Variants in INSC observed in about 807,000 individuals in gnomAD.
INSC encodes INSC spindle orientation adaptor protein.
In INSC, 67 loss-of-function variants were observed where a neutral mutation model predicts 58.6. The observed-to-expected ratio is 1.14, with a 90% CI of 0.94 to 1.40. The LOEUF is 1.40. Ranked by LOEUF, INSC falls within the 40% of genes most tolerant of loss-of-function variation. INSC has a pLI of 0.00. For missense variants in INSC, 714 were observed against 692.0 expected (o/e 1.03, Z -0.36); for synonymous variants, 262 against 276.1 (o/e 0.95, Z 0.51).
intron 2 of INSC, among the ~76,000 whole-genome samples, chr11:15,151,154 G>A (rs892803109): frequency 6.6e-5 from 10 of 152,130 alleles, no homozygotes; most frequent in South Asian, 2.1e-4. Flanking sequence ...GTGAGTGGCC[G>A]GCAAGAGCAA....
intron 2 of INSC, among the ~76,000 whole-genome samples, chr11:15,155,175 T>C (rs949378324): frequency 1.3e-5 from 2 of 152,238 alleles, no homozygotes; most frequent in African/African-American, 4.8e-5. Flanking sequence ...CCCCTCTGGC[T>C]ACACTTAGCA....
chr11:15,254,173 G>T, the INSC span, among the ~76,000 whole-genome samples: 33 of 152,144 alleles, frequency 2.2e-4, no homozygotes, highest in Admixed American at 3.9e-4. Context: ...GGCTTAGAGA[G>T]GTCAGGTAAT....
At chr11:15,219,168 T>C (rs530475583) in intron 7 of INSC, among the ~76,000 whole-genome samples, 1 of 152,142 alleles carries the variant, frequency 6.6e-6, no homozygotes, top group Non-Finnish European at 1.5e-5. Flanking sequence ...GTGGAATAGG[T>C]CTGGGTGGGA....
intron 1 of INSC, among the ~76,000 whole-genome samples, chr11:15,139,544 G>A (rs1029102938): frequency 6.6e-5 from 10 of 152,206 alleles, no homozygotes; most frequent in African/African-American, 1.7e-4. Context: ...ACTGCTAGGC[G>A]CTGTCCTCAC....
At chr11:15,118,777 G>A (rs1254821210) in intron 1 of INSC, among the ~76,000 whole-genome samples, 1 of 152,190 alleles carries the variant, frequency 6.6e-6, no homozygotes, top group African/African-American at 2.4e-5. Context: ...GCCAGTAAGA[G>A]CATTGTGTGA....
intron 5 of INSC, among the ~76,000 whole-genome samples, chr11:15,188,810 G>A (rs926113175): frequency 5.3e-5 from 8 of 152,190 alleles, no homozygotes; most frequent in Non-Finnish European, 7.3e-5. Context: ...AGGAACATTA[G>A]GTAATTATCA....
At chr11:15,197,173 A>G (rs1013456816) in intron 6 of INSC, among the ~76,000 whole-genome samples, 1 of 152,244 alleles carries the variant, frequency 6.6e-6, no homozygotes, top group African/African-American at 2.4e-5. Flanking sequence ...CACACATGAA[A>G]GCAGAGCTGG....
At chr11:15,193,760 A>C in intron 6 of INSC, among the ~76,000 whole-genome samples, 1 of 152,112 alleles carries the variant, frequency 6.6e-6, no homozygotes, top group Non-Finnish European at 1.5e-5. Context: ...ATACGTGTGT[A>C]TGTGTCTTTA....
chr11:15,159,743 C>G (rs1848948502), intron 2 of INSC, among the ~76,000 whole-genome samples: 1 of 152,134 alleles, frequency 6.6e-6, no homozygotes, highest in Admixed American at 6.5e-5. Flanking sequence ...CTTCAGTTTC[C>G]TCATCTGTAA....
At chr11:15,151,063 C>T (rs1848634002) in intron 2 of INSC, among the ~76,000 whole-genome samples, 1 of 152,172 alleles carries the variant, frequency 6.6e-6, no homozygotes, top group Non-Finnish European at 1.5e-5. Flanking sequence ...ACACAAGCTT[C>T]ACTTTCCCAG....
the INSC span, among the ~76,000 whole-genome samples, chr11:15,257,927 A>G: frequency 6.6e-6 from 1 of 152,118 alleles, no homozygotes; most frequent in African/African-American, 2.4e-5. Flanking sequence ...AGCTATGGCA[A>G]CCCCAGGAAA....
At chr11:15,116,882 TCCCTCCCTCCCTCC>T (rs1564853842) in intron 1 of INSC, among the ~76,000 whole-genome samples, 1 of 21,030 alleles carries the variant, frequency 4.8e-5, no homozygotes, top group African/African-American at 2.0e-4. Flanking sequence ...TCTCTCCCCC[TCCCTCCCTCCCTCC>T]CTCCCTCCCT....
chr11:15,139,793 G>A (rs1285385935), intron 1 of INSC, among the ~76,000 whole-genome samples: 1 of 152,234 alleles, frequency 6.6e-6, no homozygotes, highest in Non-Finnish European at 1.5e-5. Context: ...GGATGAAGGT[G>A]GCTAAAAGGG....
the INSC span, among the ~76,000 whole-genome samples, chr11:15,253,696 A>G: frequency 0.29 from 43,923 of 151,554 alleles, 7,411 homozygotes; most frequent in East Asian, 0.67. Flanking sequence ...AAATGAGGAA[A>G]GAAGGGGTGA....
chr11:15,175,605 A>T, intron 2 of INSC, 136 bp from the exon 3 acceptor site: 1 of 558,994 alleles, frequency 1.8e-6, no homozygotes, highest in Non-Finnish European at 2.9e-6. Flanking sequence ...ATGACTGAGA[A>T]TATCAAGGTG....
chr11:15,220,955 A>T (rs1469282754), intron 7 of INSC, among the ~76,000 whole-genome samples: 1 of 152,220 alleles, frequency 6.6e-6, no homozygotes. Context: ...GTTGCTAAAT[A>T]TGAGGAAGGG....
At chr11:15,203,621 T>C (rs77294062) in intron 7 of INSC, among the ~76,000 whole-genome samples, 1,984 of 152,350 alleles carry the variant, frequency 0.013, 51 homozygotes, top group African/African-American at 0.046. Context: ...ATACATTATG[T>C]AATTCATTCA....
intron 1 of INSC, among the ~76,000 whole-genome samples, chr11:15,118,359 A>G (rs1215864383): frequency 6.6e-6 from 1 of 152,220 alleles, no homozygotes; most frequent in Non-Finnish European, 1.5e-5. Context: ...AAATTATTTT[A>G]TGCTGCCCAA....
rs369222461 is a variant in INSC at position 15,225,870 on chromosome 11, T to C, written c.1170+42T>C. The C allele has an allele frequency of 1.1e-4, 176 of 1,580,416 alleles. No homozygotes were observed. In the Middle Eastern group the frequency reaches 1.2e-3, roughly 11 times the overall value. ...GCACTGAGCACAGGGCCCATAGCCA[T>C]GGAGACAGAAGTTAGGAGGCCAGCA... On this transcript the variant is annotated intron_variant, in intron 9 of 12. Transcript: ENST00000379556.
Sources: allele counts gnomAD v4.1 joint callset (sites outside exome capture counted in the v4.1 genomes callset), GRCh38; gene constraint gnomAD v4.1.1; transcripts MANE v1.5; gene names NCBI Gene and HGNC (gene_info 2026-07-23, HGNC 2026-07-21).